Variants in SND1 observed in about 807,000 individuals in gnomAD.
SND1 encodes staphylococcal nuclease and tudor domain containing 1.
In SND1, 38 loss-of-function variants were observed where a neutral mutation model predicts 121.7. The observed-to-expected ratio is 0.31, with a 90% CI of 0.24 to 0.41. SND1 has a LOEUF of 0.41. SND1 is among the 10% of genes least tolerant of loss of function. The probability of loss-of-function intolerance (pLI) is 1.00; values close to 1 mark genes in which losing one functional copy is unlikely to be tolerated. For synonymous variants in SND1, 401 were observed against 447.4 expected (o/e 0.90, Z 1.31); for missense variants, 868 against 1,184.6 (o/e 0.73, Z 3.92).
At chr7:127,704,805 TC>T in intron 7 of SND1, 33 bp from the exon 8 acceptor site, 1 of 1,530,956 alleles carries the variant, frequency 6.5e-7, no homozygotes, top group Non-Finnish European at 9.1e-7. Flanking sequence ...CAGAGTCTAA[TC>T]CGTGCCTGCC....
chr7:128,024,041 C>G (rs536593357), intron 16 of SND1, among the ~76,000 whole-genome samples: 1 of 140,476 alleles, frequency 7.1e-6, no homozygotes, highest in African/African-American at 2.8e-5. Context: ...AGAGTCTGTG[C>G]TTGTAAGCAC....
intron 15 of SND1, among the ~76,000 whole-genome samples, chr7:127,945,026 G>C (rs2116845146): frequency 6.6e-6 from 1 of 152,226 alleles, no homozygotes; most frequent in Middle Eastern, 3.4e-3. Context: ...TGACATCACT[G>C]TTTCATCATC....
intron 1 of SND1, among the ~76,000 whole-genome samples, chr7:127,660,608 A>C (rs1795291978): frequency 6.6e-6 from 1 of 152,166 alleles, no homozygotes; most frequent in African/African-American, 2.4e-5. Flanking sequence ...ATTCACCTGG[A>C]AATCTCATAT....
intron 7 of SND1, 133 bp downstream of exon 7, chr7:127,703,456 G>A: frequency 9.4e-7 from 1 of 1,064,062 alleles, no homozygotes. Flanking sequence ...GCTCACGCCT[G>A]TAATCCCACC....
chr7:127,761,099 C>T (rs901778894), intron 10 of SND1, among the ~76,000 whole-genome samples: 5 of 152,156 alleles, frequency 3.3e-5, no homozygotes, highest in Admixed American at 3.3e-4. Context: ...ATATGGTTTT[C>T]TAGGCCACCT....
intron 10 of SND1, among the ~76,000 whole-genome samples, chr7:127,748,252 T>G (rs1797015751): frequency 6.6e-6 from 1 of 152,202 alleles, no homozygotes; most frequent in African/African-American, 2.4e-5. Context: ...TGCCTTTTGA[T>G]TCCACACAAA....
chr7:128,029,076 A>G lies in SND1; in HGVS notation c.1779+38020A>G, dbSNP rs1042651847. The G allele has an allele frequency of 1.2e-6, 2 of 1,613,948 alleles. No individual in the cohort carries two copies. The highest frequency in any genetic ancestry group is 1.7e-4 in the Middle Eastern group (1 of 6,060). ...AATGATGATCTTGGTGGTCTTCATG[A>G]CTTCATCCAGGCTGGTCTGCATCTT... On this transcript the variant is annotated intron_variant, in intron 16 of 23. Transcript: ENST00000354725. The surrounding 1 kb of genome is among the most constrained non-coding windows in gnomAD (Gnocchi z 4.2).
intron 15 of SND1, among the ~76,000 whole-genome samples, chr7:127,951,765 T>C (rs1262791420): frequency 2.6e-5 from 4 of 152,140 alleles, no homozygotes; most frequent in African/African-American, 9.7e-5. Context: ...CTGACCCTCT[T>C]TTATTAGTAT....
At chr7:128,045,278 C>T (rs1340316019) in intron 16 of SND1, among the ~76,000 whole-genome samples, 1 of 152,198 alleles carries the variant, frequency 6.6e-6, no homozygotes, top group Non-Finnish European at 1.5e-5. Flanking sequence ...CCCCACCCCA[C>T]CCAGTGGCTG....
At chr7:127,904,723 G>A (rs201960450) in intron 13 of SND1, 24 bp from the exon 14 acceptor site, 10 of 1,538,756 alleles carry the variant, frequency 6.5e-6, no homozygotes, top group Middle Eastern at 1.7e-4. Context: ...TGTTTTAATC[G>A]GTTTTTCTCT....
intron 9 of SND1, among the ~76,000 whole-genome samples, chr7:127,719,062 T>C (rs1796443593): frequency 6.6e-6 from 1 of 152,178 alleles, no homozygotes; most frequent in African/African-American, 2.4e-5. Flanking sequence ...TGGTATGGCT[T>C]AGTGGAATTT....
chr7:127,768,161 G>A (rs947745785), intron 10 of SND1, among the ~76,000 whole-genome samples: 17 of 152,068 alleles, frequency 1.1e-4, no homozygotes, highest in Non-Finnish European at 7.4e-5. Flanking sequence ...CCTCATTAGC[G>A]GCCTGTCACC....
At chr7:128,074,758 T>A in intron 17 of SND1, 68 bp downstream of exon 17, 2 of 1,433,718 alleles carry the variant, frequency 1.4e-6, no homozygotes, top group Non-Finnish European at 1.9e-6. Context: ...TGCTGCTGCC[T>A]CCAGAGAACA....
At chr7:127,688,792 C>T (rs1249067817) in intron 2 of SND1, among the ~76,000 whole-genome samples, 2 of 151,220 alleles carry the variant, frequency 1.3e-5, no homozygotes, top group Non-Finnish European at 2.9e-5. Context: ...CCAACTTTAT[C>T]ATGTTGGGCA....
At chr7:127,706,494 G>A (rs906432122) in intron 8 of SND1, among the ~76,000 whole-genome samples, 4 of 151,972 alleles carry the variant, frequency 2.6e-5, no homozygotes, top group Non-Finnish European at 4.4e-5. Context: ...TCCTGACCTC[G>A]TGATCCGCCC....
intron 15 of SND1, among the ~76,000 whole-genome samples, chr7:127,968,211 A>G (rs1282238168): frequency 2.6e-5 from 4 of 152,210 alleles, no homozygotes; most frequent in East Asian, 1.9e-4. Flanking sequence ...TAAGCTTTTC[A>G]GTTTCAATCT....
intron 9 of SND1, among the ~76,000 whole-genome samples, chr7:127,720,368 A>C (rs1434207886): frequency 6.6e-6 from 1 of 152,150 alleles, no homozygotes; most frequent in Non-Finnish European, 1.5e-5. Flanking sequence ...AGTGTTTTGT[A>C]GTCTGCAGCT....
chr7:127,701,138 C>T, intron 4 of SND1, 25 bp from the exon 5 acceptor site: 1 of 1,612,148 alleles, frequency 6.2e-7, no homozygotes, highest in Non-Finnish European at 8.5e-7. Context: ...TCACTAACCA[C>T]TCTTGTTTAT....
chr7:128,007,399 G>T (rs768837268), intron 16 of SND1, among the ~76,000 whole-genome samples: 1 of 152,228 alleles, frequency 6.6e-6, no homozygotes. Flanking sequence ...GCTTGCCATG[G>T]GTGGGAAGTG....
Sources: allele counts gnomAD v4.1 joint callset (sites outside exome capture counted in the v4.1 genomes callset), GRCh38; gene constraint gnomAD v4.1.1; non-coding constraint Gnocchi (gnomAD v3.1); transcripts MANE v1.5; gene names NCBI Gene and HGNC (gene_info 2026-07-23, HGNC 2026-07-21).